Variants in SMCO2 observed in about 807,000 individuals in gnomAD.
SMCO2 encodes single-pass membrane protein with coiled-coil domains 2.
SMCO2 carries 25 observed loss-of-function variants against 29.5 expected under a neutral mutation model. The ratio of observed to expected loss-of-function variants is 0.85; its 90% CI spans 0.62 to 1.18. The LOEUF (loss-of-function observed/expected upper bound fraction) is 1.18. Ranked by LOEUF, SMCO2 falls within the 50% of genes most tolerant of loss-of-function variation. SMCO2 has a pLI of 0.00. For synonymous variants in SMCO2, 117 were observed against 123.3 expected (o/e 0.95, Z 0.34); for missense variants, 348 against 344.5 (o/e 1.01, Z -0.08).
the SMCO2 span, among the ~76,000 whole-genome samples, chr12:27,446,155 G>A: frequency 6.6e-6 from 1 of 152,110 alleles, no homozygotes; most frequent in Non-Finnish European, 1.5e-5. Flanking sequence ...ACCCACCTCA[G>A]CCTCCCAAAG....
chr12:27,483,423 T>G (rs936757388), intron 4 of SMCO2, among the ~76,000 whole-genome samples: 1 of 151,890 alleles, frequency 6.6e-6, no homozygotes, highest in African/African-American at 2.4e-5. Context: ...CTTCTCTTTG[T>G]TTTTTTTCTT....
rs558841127 is a variant in SMCO2, at chr12:27,496,552, AAC to A, written c.683+702_683+703del. On this transcript the variant is annotated intron_variant, in intron 7 of 7. Transcript: ENST00000298876. ...TGCCTTACCCTTGGATGGTATTGGA[AAC>A]ACACTACCAGCAAATTCTGGCTCTT... is the stretch of plus-strand genomic sequence containing the variant. Among the ~76,000 whole-genome samples, 17 of 150,722 alleles carry A rather than the reference AAC, an allele frequency of 1.1e-4. 1 individual carries two copies. Among genetic ancestry groups the A allele is most frequent in the Middle Eastern group, 3.4e-3 (1 of 292 alleles).
At chr12:27,462,559 T>C (rs946896504), upstream of SMCO2, among the ~76,000 whole-genome samples, 18 of 152,214 alleles carry the variant, frequency 1.2e-4, no homozygotes, top group African/African-American at 2.7e-4. Flanking sequence ...TTATGTACAA[T>C]AAAGCCACTG....
At chr12:27,470,158 A>T (rs944581020) in intron 1 of SMCO2, among the ~76,000 whole-genome samples, 4 of 152,252 alleles carry the variant, frequency 2.6e-5, no homozygotes, top group Admixed American at 6.5e-5. Flanking sequence ...AAGCAGAAAT[A>T]AAATGTACTA....
intron 4 of SMCO2, among the ~76,000 whole-genome samples, chr12:27,482,142 A>C (rs1949649311): frequency 6.6e-6 from 1 of 151,926 alleles, no homozygotes; most frequent in African/African-American, 2.4e-5. Context: ...ATAATCAGTT[A>C]GTGCTCTGCA....
At chr12:27,496,616 A>G (rs1480224123) in intron 7 of SMCO2, among the ~76,000 whole-genome samples, 1 of 150,626 alleles carries the variant, frequency 6.6e-6, no homozygotes, top group East Asian at 1.9e-4. Flanking sequence ...CATCATTTAC[A>G]CCCTGAGAAG....
At chr12:27,450,874 T>G in the SMCO2 span, among the ~76,000 whole-genome samples, 101 of 152,322 alleles carry the variant, frequency 6.6e-4, no homozygotes, top group Admixed American at 2.0e-3. Flanking sequence ...TACTGCAAAG[T>G]TATGTCCATG....
intron 4 of SMCO2, among the ~76,000 whole-genome samples, chr12:27,480,522 TC>T (rs1730604362): frequency 6.6e-6 from 1 of 152,168 alleles, no homozygotes; most frequent in South Asian, 2.1e-4. Flanking sequence ...TGGATGTCTG[TC>T]CCCACCCAAT....
intron 4 of SMCO2, among the ~76,000 whole-genome samples, chr12:27,483,445 T>G (rs1949662502): frequency 1.3e-5 from 2 of 152,090 alleles, no homozygotes; most frequent in Non-Finnish European, 2.9e-5. Context: ...TTCGAGACAG[T>G]CTTGCTCTGT....
At chr12:27,450,602 C>T in the SMCO2 span, among the ~76,000 whole-genome samples, 1 of 152,194 alleles carries the variant, frequency 6.6e-6, no homozygotes, top group African/African-American at 2.4e-5. Context: ...GATCACAACC[C>T]AAAGTGCTCA....
chr12:27,433,267 C>T, the SMCO2 span, among the ~76,000 whole-genome samples: 11 of 152,078 alleles, frequency 7.2e-5, no homozygotes, highest in African/African-American at 2.7e-4. Flanking sequence ...GAGGATTGGT[C>T]GCTAACAAAA....
intron 2 of SMCO2, among the ~76,000 whole-genome samples, chr12:27,472,366 C>G (rs441433): frequency 0.76 from 115,293 of 151,998 alleles, 43,960 homozygotes; most frequent in Middle Eastern, 0.88. Flanking sequence ...GGACAGCTGG[C>G]GGGGTGGAGA....
intron 4 of SMCO2, among the ~76,000 whole-genome samples, chr12:27,486,996 C>G (rs540573232): frequency 2.0e-5 from 3 of 152,134 alleles, no homozygotes; most frequent in African/African-American, 7.2e-5. Flanking sequence ...TTTCAGCATT[C>G]CTGAATGGTA....
At chr12:27,453,139 G>A in the SMCO2 span, among the ~76,000 whole-genome samples, 1 of 152,148 alleles carries the variant, frequency 6.6e-6, no homozygotes, top group African/African-American at 2.4e-5. Context: ...CTGGAGTTGA[G>A]CATCCATCAT....
rs430947 is a variant in SMCO2 at position 27,480,708 on chromosome 12, C to A, written c.362+5795C>A. 2.8e-3 allele frequency among the ~76,000 whole-genome samples: 423 copies of A among 151,086 alleles called. 1 individual carries two copies. The highest frequency in any genetic ancestry group is 5.1e-3 in the Non-Finnish European group (347 of 67,688). On this transcript the variant is annotated intron_variant, in intron 4 of 7. Coordinates refer to ENST00000298876, the Ensembl canonical transcript of SMCO2. ...AAAAGAATGTGGCACCTCTCCCCCC[C>A]CTCTCTCTCTCTTGCTCCTGCTCTC...
At chr12:27,472,299 CTTAT>C (rs944643465) in intron 2 of SMCO2, among the ~76,000 whole-genome samples, 1 of 152,020 alleles carries the variant, frequency 6.6e-6, no homozygotes, top group African/African-American at 2.4e-5. Context: ...AACATCTCTG[CTTAT>C]TTATGCATAG....
chr12:27,472,248 GTATAATATA>G (rs1949546852), intron 2 of SMCO2, among the ~76,000 whole-genome samples: 1 of 152,070 alleles, frequency 6.6e-6, no homozygotes, highest in Non-Finnish European at 1.5e-5. Context: ...GGTCTATTCT[GTATAATATA>G]TATAATATAT....
chr12:27,443,285 G>T, the SMCO2 span, among the ~76,000 whole-genome samples: 1 of 152,076 alleles, frequency 6.6e-6, no homozygotes, highest in African/African-American at 2.4e-5. Context: ...TTCAATAGAT[G>T]CCAAAAAACA....
chr12:27,438,873 G>A, the SMCO2 span, among the ~76,000 whole-genome samples: 4,328 of 151,936 alleles, frequency 0.028, 93 homozygotes, highest in Non-Finnish European at 0.046. Context: ...AGTTCCTGGG[G>A]CCACAGAGAA....
Sources: allele counts gnomAD v4.1 joint callset (sites outside exome capture counted in the v4.1 genomes callset), GRCh38; gene constraint gnomAD v4.1.1; transcripts MANE v1.5; gene names NCBI Gene and HGNC (gene_info 2026-07-23, HGNC 2026-07-21).